Variants in FAM107B observed in about 807,000 individuals in gnomAD.
FAM107B encodes protein FAM107B.
In FAM107B, 21 loss-of-function variants were observed where a neutral mutation model predicts 31.5. The observed-to-expected ratio is 0.67, with a 90% CI of 0.47 to 0.96. The LOEUF is 0.96. Ranked by LOEUF, FAM107B falls within the 40% of genes least tolerant of loss-of-function variation. The pLI is 0.00. For missense variants in FAM107B, 452 were observed against 377.1 expected (o/e 1.20, Z -1.64); for synonymous variants, 157 against 141.5 (o/e 1.11, Z -0.78).
intron 2 of FAM107B, among the ~76,000 whole-genome samples, chr10:14,568,523 G>A (rs1850892502): frequency 6.6e-6 from 1 of 151,252 alleles, no homozygotes; most frequent in African/African-American, 2.4e-5. Context: ...GCTGGCTGAT[G>A]ATCTCAGGGT....
intron 1 of FAM107B, among the ~76,000 whole-genome samples, chr10:14,683,961 G>A (rs1355315737): frequency 2.0e-5 from 3 of 152,210 alleles, no homozygotes; most frequent in Non-Finnish European, 4.4e-5. Context: ...CATTTGGGCT[G>A]CTACAATGAA....
intron 2 of FAM107B, among the ~76,000 whole-genome samples, chr10:14,570,680 T>C (rs1324003478): frequency 6.6e-6 from 1 of 152,010 alleles, no homozygotes; most frequent in African/African-American, 2.4e-5. Flanking sequence ...CGAGTTCCTG[T>C]AATCCCAGCT....
At chr10:14,668,584 A>G (rs1002071166) in intron 1 of FAM107B, among the ~76,000 whole-genome samples, 3 of 152,226 alleles carry the variant, frequency 2.0e-5, no homozygotes, top group Non-Finnish European at 4.4e-5. Context: ...ATTAGAAATG[A>G]GGGAGATAAA....
intron 2 of FAM107B, among the ~76,000 whole-genome samples, chr10:14,582,921 A>G (rs1851691826): frequency 6.6e-6 from 1 of 151,908 alleles, no homozygotes; most frequent in Admixed American, 6.5e-5. Flanking sequence ...CCCCATCTCT[A>G]CTAAAAATAC....
intron 2 of FAM107B, among the ~76,000 whole-genome samples, chr10:14,538,934 C>A (rs1288639950): frequency 6.6e-6 from 1 of 152,202 alleles, no homozygotes; most frequent in Non-Finnish European, 1.5e-5. Flanking sequence ...GATTCCTCAA[C>A]TGGAAATCAG....
At chr10:14,635,420 T>C (rs1853473004) in intron 2 of FAM107B, among the ~76,000 whole-genome samples, 1 of 152,180 alleles carries the variant, frequency 6.6e-6, no homozygotes, top group South Asian at 2.1e-4. Flanking sequence ...TCACTACTTA[T>C]TAAAACAAAC....
chr10:14,605,324 C>T (rs1852561042), intron 2 of FAM107B, among the ~76,000 whole-genome samples: 1 of 152,090 alleles, frequency 6.6e-6, no homozygotes. Flanking sequence ...TCTGAGATTA[C>T]AATCTACTTG....
intron 2 of FAM107B, among the ~76,000 whole-genome samples, chr10:14,603,786 G>A (rs934361240): frequency 5.9e-5 from 9 of 151,816 alleles, no homozygotes. Context: ...AACCTCCCCG[G>A]CCCCGGCTTT....
At chr10:14,771,479 T>C (rs1229235281) in intron 1 of FAM107B, among the ~76,000 whole-genome samples, 1 of 152,168 alleles carries the variant, frequency 6.6e-6, no homozygotes, top group Non-Finnish European at 1.5e-5. Flanking sequence ...AAGACAGGAA[T>C]TGTAATGTTC....
intron 1 of FAM107B, among the ~76,000 whole-genome samples, chr10:14,714,640 C>A (rs1459152868): frequency 1.3e-5 from 2 of 152,274 alleles, no homozygotes; most frequent in African/African-American, 4.8e-5. Flanking sequence ...CTCCCTTATA[C>A]ATCCAGACTC....
At chr10:14,701,793 C>T (rs566492900) in intron 1 of FAM107B, among the ~76,000 whole-genome samples, 12 of 151,760 alleles carry the variant, frequency 7.9e-5, no homozygotes, top group Non-Finnish European at 1.0e-4. Flanking sequence ...GAAACAATGG[C>T]GTTTTGTAAA....
In FAM107B at chr10:14,554,083, G is replaced by A. The variant is rs1011263447; in HGVS notation, c.470-23568C>T. 3.0e-6 allele frequency: 3 copies of A among 983,998 alleles called. No individual in the cohort carries two copies. The African/African-American group carries it at 5.2e-5, about 17-fold the overall frequency. The allele number at this position is 983,998 out of a possible 1,614,324, so 61.0% of individuals were successfully genotyped here. ...CACACATATGTCATATATAATTAAT[G>A]TATAGTAGATATGGACTCACCTGAT... On this transcript the variant is annotated intron_variant, in intron 2 of 4. Coordinates refer to ENST00000181796, the MANE Select transcript of FAM107B (RefSeq NM_031453.4).
chr10:14,544,281 T>C (rs908535666), intron 2 of FAM107B, among the ~76,000 whole-genome samples: 7 of 152,186 alleles, frequency 4.6e-5, no homozygotes, highest in Non-Finnish European at 1.0e-4. Context: ...CAATGTTTAT[T>C]CTTCTTTGCA....
intron 3 of FAM107B, 55 bp downstream of exon 3, chr10:14,530,277 A>G: frequency 6.6e-7 from 1 of 1,505,448 alleles, no homozygotes; most frequent in Non-Finnish European, 9.0e-7. Context: ...AAAATTAGAT[A>G]TCATGATCTT....
chr10:14,663,076 T>C (rs1219219687), intron 2 of FAM107B, among the ~76,000 whole-genome samples: 1 of 152,216 alleles, frequency 6.6e-6, no homozygotes, highest in African/African-American at 2.4e-5. Flanking sequence ...AACATTAGAC[T>C]CAAAGTTCTT....
At position 14,606,721 on chromosome 10, in the gene FAM107B, C is replaced by G. The variant is rs538187630; in HGVS notation, c.469+60913G>C. Among the ~76,000 whole-genome samples the G allele has an allele frequency of 1.1e-3, 163 of 152,122 alleles. 1 individual carries two copies. The highest frequency in any genetic ancestry group is 2.0e-3 in the Non-Finnish European group (138 of 68,038). On this transcript the variant is annotated intron_variant, in intron 2 of 4. Coordinates refer to ENST00000181796, the MANE Select transcript of FAM107B (RefSeq NM_031453.4). ...TCTCCCTCCCTCCTTCCCCTCTGTC[C>G]CTTTCCCCACTCTCTCTTTCTCTGC...
Position 14,530,506 on chromosome 10 carries a change from G to T in FAM107B, c.479C>A (p.Pro160His). Residue 160 changes from proline to histidine, a missense_variant, in exon 3 of 5, where the codon CCT becomes CAT. Physicochemically the swap from Pro to His is moderately conservative, Grantham distance 77. Coordinates refer to ENST00000181796, the MANE Select transcript of FAM107B (RefSeq NM_031453.4). ...TGAGTCCTTATGGTCAATATCCTCA[G>T]GTGGGCTGTCTGAAAGAGAAAGATG... ...LEQKMTSDSPPEDIDHKDSYL... is the reference protein window; with the variant it reads ...LEQKMTSDSPHEDIDHKDSYL... The T allele has an allele frequency of 6.2e-7, 1 of 1,611,636 alleles. No homozygotes were observed. The highest frequency in any genetic ancestry group is 8.5e-7 in the Non-Finnish European group (1 of 1,179,512).
At chr10:14,600,422 A>G (rs1852351357) in intron 2 of FAM107B, among the ~76,000 whole-genome samples, 1 of 152,160 alleles carries the variant, frequency 6.6e-6, no homozygotes, top group South Asian at 2.1e-4. Context: ...GCAGGCTCTG[A>G]ACTGATGGGC....
intron 2 of FAM107B, chr10:14,556,392 C>T (rs549173321): frequency 1.0e-6 from 1 of 985,320 alleles, no homozygotes; most frequent in African/African-American, 1.7e-5. Flanking sequence ...CAGGGCTTGA[C>T]CAGGATTCTC....
Sources: allele counts gnomAD v4.1 joint callset (sites outside exome capture counted in the v4.1 genomes callset), GRCh38; gene constraint gnomAD v4.1.1; transcripts MANE v1.5; gene names NCBI Gene and HGNC (gene_info 2026-07-23, HGNC 2026-07-21).